The following SIAE variants were observed in gnomAD, a reference collection of about 807,000 sequenced individuals.
SIAE encodes sialate O-acetylesterase.
Under a neutral mutation model 52.6 loss-of-function variants are expected in SIAE, and 39 were observed. The observed-to-expected ratio is 0.74, with a 90% CI of 0.57 to 0.97. SIAE has a LOEUF of 0.97. SIAE is among the 50% of genes least tolerant of loss of function. SIAE has a pLI of 0.00. For missense variants in SIAE, 592 were observed against 662.1 expected (o/e 0.89, Z 1.16); for synonymous variants, 233 against 241.4 (o/e 0.97, Z 0.32).
chr11:124,638,368 A>G (rs902571956), intron 9 of SIAE, among the ~76,000 whole-genome samples, 174 bp downstream of exon 9: 1 of 152,304 alleles, frequency 6.6e-6, no homozygotes, highest in East Asian at 1.9e-4. Flanking sequence ...GTCTGTCAAA[A>G]GTGCCTCCAA....
At chr11:124,650,390 C>G (rs1250382591) in intron 4 of SIAE, among the ~76,000 whole-genome samples, 1 of 152,106 alleles carries the variant, frequency 6.6e-6, no homozygotes, top group African/African-American at 2.4e-5. Flanking sequence ...CCACTTAGCT[C>G]TGTGGAAGGG....
chr11:124,673,781 C>T, upstream of SIAE: 1 of 1,544,686 alleles, frequency 6.5e-7, no homozygotes, highest in Non-Finnish European at 8.8e-7. Flanking sequence ...TGGGCGGGGG[C>T]GAGGCCGACT....
At chr11:124,650,571 G>A (rs557051443) in intron 4 of SIAE, among the ~76,000 whole-genome samples, 8 of 152,202 alleles carry the variant, frequency 5.3e-5, no homozygotes, top group African/African-American at 1.2e-4. Context: ...TCAGGAGTTC[G>A]AGACCAGCCT....
At position 124,669,465 on chromosome 11, in the gene SIAE, G is replaced by A; in HGVS notation, c.124C>T (p.Pro42Ser). Residue 42 changes from proline (P) to serine (S), a missense_variant, in exon 2 of 10, where the codon CCT (proline) becomes TCT (serine). Coordinates refer to ENST00000263593, the MANE Select transcript of SIAE (RefSeq NM_170601.5). The stretch of plus-strand genomic sequence containing the variant: ...AAGCCCCATATCACTGCCCCAGCAG[G>A]CTCCTTCTGCAGCACCATATCATTA... ...INNDMVLQKEPAGAVIWGFGT... is the reference protein window; with the variant it reads ...INNDMVLQKESAGAVIWGFGT... 1.2e-6 allele frequency: 2 copies of A among 1,614,050 alleles called. No individual in the cohort carries two copies. Among genetic ancestry groups the A allele is most frequent in the Non-Finnish European group, 1.7e-6 (2 of 1,179,968 alleles).
chr11:124,634,376 A>ATACT lies in SIAE; in HGVS notation c.*2571_*2574dup, dbSNP rs1252587508. ...ACACCTTGAAAAACACTGCCTTAGT[A>ATACT]TACTTAAACTATCTTTTCATCTATC... On this transcript the variant is annotated 3_prime_UTR_variant, in exon 10 of 10. Transcript: ENST00000263593. The ATACT allele has an allele frequency of 6.6e-6, 1 of 152,154 alleles. No individual in the cohort carries two copies. The highest frequency in any genetic ancestry group is 2.4e-5 in the African/African-American group (1 of 41,440). 9.4% of individuals were successfully genotyped at this position (152,154 alleles called of 1,614,324 possible).
At chr11:124,652,809 C>A (rs1943036847) in intron 4 of SIAE, among the ~76,000 whole-genome samples, 2 of 152,140 alleles carry the variant, frequency 1.3e-5, no homozygotes, top group South Asian at 4.1e-4. Context: ...CTCTTTCAGG[C>A]TGCTACTGAA....
intron 3 of SIAE, among the ~76,000 whole-genome samples, chr11:124,655,433 C>G (rs569880069): frequency 2.8e-4 from 42 of 152,264 alleles, no homozygotes; most frequent in African/African-American, 9.9e-4. Context: ...CCTTGGCCTC[C>G]CAGAGTGCTG....
upstream of SIAE, chr11:124,673,931 C>T (rs1943418551): frequency 1.7e-6 from 1 of 587,188 alleles, no homozygotes; most frequent in Non-Finnish European, 3.0e-6. Context: ...GAACCGGCGG[C>T]ACCAGCTCGG....
chr11:124,647,436 C>A lies in SIAE; in HGVS notation c.895G>T (p.Asp299Tyr), dbSNP rs1397176498. 6.2e-7 allele frequency: 1 copy of A among 1,614,078 alleles called. No homozygotes were observed. The highest frequency in any genetic ancestry group is 1.3e-5 in the African/African-American group (1 of 74,930). ...CCACGGTGGAAGGTTTCACGCCAGT[C>A]TTCGATGAGTGCAGGGAATGTGCAA... is the stretch of plus-strand genomic sequence containing the variant. ...YNCTFPALIEDWRETFHRGSQ... is the reference protein window; with the variant it reads ...YNCTFPALIEYWRETFHRGSQ... Residue 299 changes from aspartate (D) to tyrosine (Y), a missense_variant, in exon 7 of 10, where the codon GAC (aspartate) becomes TAC (tyrosine). Asp to Tyr is a radical substitution (Grantham distance 160). Transcript: ENST00000263593.
rs1297891711 is a variant in SIAE, at chr11:124,648,066, C to T, written c.832G>A (p.Gly278Arg). The T allele has an allele frequency of 6.2e-7, 1 of 1,609,354 alleles. No individual in the cohort carries two copies. The highest frequency in any genetic ancestry group is 8.5e-7 in the Non-Finnish European group (1 of 1,175,716). ...GAGAAAGAGTACACTGAACACTTACCCTGGTACCATACTACCCCTTTCAGA... is the reference window on the plus strand; with the variant it reads ...GAGAAAGAGTACACTGAACACTTACTCTGGTACCATACTACCCCTTTCAGA... ...MTLKGVVWYQ[G>R]ESNINYNTDL... is the part of the protein sequence containing the mutation. The change falls in exon 6 of 10, where the codon GGG becomes AGG. Residue 278 changes from glycine (G) to arginine (R), a missense_variant and splice_region_variant. Physicochemically the swap from Gly to Arg is moderately radical, Grantham distance 125. Coordinates refer to ENST00000263593, the MANE Select transcript of SIAE (RefSeq NM_170601.5).
chr11:124,654,249 T>C (rs1943061095), intron 4 of SIAE: 1 of 985,208 alleles, frequency 1.0e-6, no homozygotes, highest in Non-Finnish European at 1.2e-6. Context: ...CCACAGTGCC[T>C]AAGGGATTAA....
chr11:124,642,926 A>C (rs1942871537), intron 7 of SIAE, among the ~76,000 whole-genome samples: 1 of 152,050 alleles, frequency 6.6e-6, no homozygotes, highest in African/African-American at 2.4e-5. Flanking sequence ...AGCTTCAAGG[A>C]GGTGAATTCT....
intron 9 of SIAE, 60 bp from the exon 10 acceptor site, chr11:124,637,262 G>A (rs1252408096): frequency 6.2e-7 from 1 of 1,607,916 alleles, no homozygotes; most frequent in Non-Finnish European, 8.5e-7. Flanking sequence ...AAGAAACTGG[G>A]CACTGCTCTT....
At chr11:124,637,266 T>A (rs1942764815) in intron 9 of SIAE, 64 bp from the exon 10 acceptor site, 1 of 1,606,014 alleles carries the variant, frequency 6.2e-7, no homozygotes, top group Non-Finnish European at 8.5e-7. Flanking sequence ...AACTGGGCAC[T>A]GCTCTTTCAG....
intron 3 of SIAE, chr11:124,660,379 C>A: frequency 1.9e-6 from 1 of 519,144 alleles, no homozygotes; most frequent in Non-Finnish European, 3.6e-6. Flanking sequence ...AAACAATACT[C>A]CTTCTAAGTT....
Position 124,669,446 on chromosome 11 carries a change from C to T in SIAE, c.143G>A (p.Trp48Ter), listed in dbSNP as rs746228654. The T allele has an allele frequency of 2.2e-5, 35 of 1,614,032 alleles. No homozygotes were observed. The highest frequency in any genetic ancestry group is 2.9e-5 in the Non-Finnish European group (34 of 1,180,024). The change falls in exon 2 of 10, where the codon TGG becomes TAG. Residue 48 changes from tryptophan to a stop codon, truncating the protein, a stop_gained. Coordinates refer to ENST00000263593, the MANE Select transcript of SIAE (RefSeq NM_170601.5). LOFTEE classifies it high-confidence loss of function. ...LQKEPAGAVI[W>*]GFGTPGATVT... The stretch of plus-strand genomic sequence containing the variant: ...TGTGGCTCCAGGTGTACCGAAGCCC[C>T]ATATCACTGCCCCAGCAGGCTCCTT...
At chr11:124,649,137 GATTGTTTATTCTTCTAGGCAATACAGC>G (rs1274167662) in intron 5 of SIAE, among the ~76,000 whole-genome samples, 1 of 152,016 alleles carries the variant, frequency 6.6e-6, no homozygotes, top group East Asian at 1.9e-4. Context: ...CTTCCTGTTG[GATTGTTTATTCTTCTAGGCAATACAGC>G]ACAATGGTTA....
intron 8 of SIAE, 60 bp downstream of exon 8, chr11:124,639,650 C>G (rs1428328607): frequency 1.9e-6 from 3 of 1,608,994 alleles, no homozygotes; most frequent in Non-Finnish European, 1.7e-6. Context: ...CGGTGAACAT[C>G]AGAGTGAAAG....
At chr11:124,655,975 CT>C (rs1455473644) in intron 3 of SIAE, among the ~76,000 whole-genome samples, 4 of 151,092 alleles carry the variant, frequency 2.6e-5, no homozygotes, top group African/African-American at 9.9e-5. Context: ...CACATAAATA[CT>C]TCAGACAAAT....
Sources: gnomAD v4.1 joint callset for allele counts (sites outside exome capture counted in the v4.1 genomes callset) on GRCh38, gnomAD v4.1.1 for gene constraint, MANE v1.5 for transcripts, NCBI Gene and HGNC (gene_info 2026-07-23, HGNC 2026-07-21) for gene names.